Variants in GABRR2 observed in about 807,000 individuals in gnomAD.
GABRR2 encodes the protein gamma-aminobutyric acid type A receptor subunit rho2.
In GABRR2, 36 loss-of-function variants were observed where a neutral mutation model predicts 47.0. The observed-to-expected ratio is 0.77, with a 90% CI of 0.59 to 1.01. GABRR2 has a LOEUF of 1.01. Among genes scored for constraint, GABRR2 ranks in the 50% least tolerant of loss-of-function variants. GABRR2 has a pLI of 0.00. For synonymous variants in GABRR2, 204 were observed against 227.5 expected (o/e 0.90, Z 0.93); for missense variants, 587 against 594.6 (o/e 0.99, Z 0.13).
intron 1 of GABRR2, among the ~76,000 whole-genome samples, chr6:89,305,405 G>T (rs896776767): frequency 1.3e-5 from 2 of 151,610 alleles, no homozygotes; most frequent in African/African-American, 4.8e-5. Context: ...ATCAGCTGGG[G>T]GTGGTGGCTC....
rs750635955 is a variant in GABRR2 at position 89,257,659 on chromosome 6, C to T, written c.*11G>A. On this transcript the variant is annotated 3_prime_UTR_variant, in exon 9 of 9. Coordinates refer to ENST00000402938, the MANE Select transcript of GABRR2 (RefSeq NM_002043.5). ...TGTCTATGCCCTCTTCTAGGAACAG[C>T]CTTGGAGCCCCTAGGAAAACACTGA... 4 of 1,602,610 alleles carry T rather than the reference C, an allele frequency of 2.5e-6. No homozygotes were observed. Among genetic ancestry groups the T allele is most frequent in the Non-Finnish European group, 3.4e-6 (4 of 1,173,468 alleles).
intron 2 of GABRR2, among the ~76,000 whole-genome samples, chr6:89,284,704 C>T (rs1229640077): frequency 1.3e-5 from 2 of 152,226 alleles, no homozygotes; most frequent in Non-Finnish European, 2.9e-5. Context: ...GCCCTGCTGA[C>T]GCCTTGCTTC....
chr6:89,269,327 A>C, intron 3 of GABRR2, 93 bp from the exon 4 acceptor site: 10 of 925,438 alleles, frequency 1.1e-5, no homozygotes, highest in Non-Finnish European at 1.6e-5. Flanking sequence ...TGAACATCTC[A>C]GGCTCAGCAT....
intron 2 of GABRR2, among the ~76,000 whole-genome samples, chr6:89,271,971 A>G (rs1774063204): frequency 6.6e-6 from 1 of 152,182 alleles, no homozygotes; most frequent in South Asian, 2.1e-4. Context: ...TGCTTATTGG[A>G]TGAATCAATG....
Position 89,314,020 on chromosome 6 carries a change from G to GTT in GABRR2, c.113+1031_113+1032dup, listed in dbSNP as rs35891444. On this transcript the variant is annotated intron_variant, in intron 1 of 8. Coordinates refer to ENST00000402938, the MANE Select transcript of GABRR2 (RefSeq NM_002043.5). ...GCTGTAACTCTTATTTATATTCAGG[G>GTT]TTTTTTTTTTTTTTTTCTAAAAATA... Among the ~76,000 whole-genome samples the GTT allele has an allele frequency of 4.2e-3, 590 of 141,240 alleles. 2 individuals are homozygous for GTT. Among genetic ancestry groups the GTT allele is most frequent in the East Asian group, 9.4e-3 (46 of 4,916 alleles). 92.7% of individuals were successfully genotyped at this position (141,240 alleles called of 152,430 possible). A position where few individuals can be genotyped will look rare whatever the true frequency, so the allele number is the denominator to read the frequency against.
intron 8 of GABRR2, among the ~76,000 whole-genome samples, chr6:89,262,403 T>C (rs756450207): frequency 6.6e-6 from 1 of 152,226 alleles, no homozygotes; most frequent in Non-Finnish European, 1.5e-5. Flanking sequence ...TTTAGCCATA[T>C]TCAGCATGAA....
intron 1 of GABRR2, among the ~76,000 whole-genome samples, chr6:89,306,896 C>T (rs745928589): frequency 1.3e-5 from 2 of 150,870 alleles, no homozygotes; most frequent in African/African-American, 2.4e-5. Context: ...CCAGGCTAAT[C>T]CACAGTACGT....
chr6:89,271,146 A>T (rs1275812570), intron 3 of GABRR2, among the ~76,000 whole-genome samples: 1 of 151,824 alleles, frequency 6.6e-6, no homozygotes, highest in African/African-American at 2.4e-5. Flanking sequence ...GGAAGAGAGG[A>T]GGCTGGGGCC....
At chr6:89,262,943 A>C (rs1773782990) in intron 8 of GABRR2, among the ~76,000 whole-genome samples, 1 of 152,236 alleles carries the variant, frequency 6.6e-6, no homozygotes, top group Non-Finnish European at 1.5e-5. Flanking sequence ...CTAACACTAA[A>C]ATGAATAAGA....
chr6:89,310,485 G>C (rs1198079575), intron 1 of GABRR2, among the ~76,000 whole-genome samples: 1 of 152,082 alleles, frequency 6.6e-6, no homozygotes, highest in East Asian at 1.9e-4. Context: ...CCAGGACCTT[G>C]TCCCAGCCAT....
At chr6:89,261,417 C>T (rs1016994003) in intron 8 of GABRR2, among the ~76,000 whole-genome samples, 2 of 152,280 alleles carry the variant, frequency 1.3e-5, no homozygotes, top group South Asian at 4.2e-4. Context: ...ACTGACCCCC[C>T]TCTTGGTCAA....
intron 8 of GABRR2, 120 bp downstream of exon 8, chr6:89,264,292 C>A (rs570198710): frequency 5.1e-6 from 6 of 1,184,650 alleles, no homozygotes; most frequent in Non-Finnish European, 7.0e-6. Flanking sequence ...AGATCCTCCT[C>A]GTTTTGCACA....
chr6:89,302,878 C>G, intron 1 of GABRR2: 1 of 1,244,642 alleles, frequency 8.0e-7, no homozygotes, highest in Non-Finnish European at 1.1e-6. Context: ...AGCAACAGCA[C>G]GGGCATCCAG....
At chr6:89,314,165 C>T (rs2127853538) in intron 1 of GABRR2, among the ~76,000 whole-genome samples, 1 of 152,034 alleles carries the variant, frequency 6.6e-6, no homozygotes, top group Middle Eastern at 3.4e-3. Context: ...AGCGCATGTT[C>T]AAAAATGTTT....
chr6:89,287,127 G>A (rs976579915), intron 2 of GABRR2, among the ~76,000 whole-genome samples: 2 of 152,136 alleles, frequency 1.3e-5, no homozygotes, highest in Non-Finnish European at 2.9e-5. Flanking sequence ...CCAGAGGCGC[G>A]GCAACCGGGG....
rs778052030 is a variant in GABRR2, at chr6:89,254,707, G to A, written c.*2963C>T. Among the ~76,000 whole-genome samples, 9 of 152,026 alleles carry A rather than the reference G, an allele frequency of 5.9e-5. No individual in the cohort carries two copies. Among genetic ancestry groups the A allele is most frequent in the Non-Finnish European group, 1.0e-4 (7 of 68,012 alleles). On this transcript the variant is annotated 3_prime_UTR_variant, in exon 9 of 9. Transcript: ENST00000402938. ...TGCTTCTCTGTCTTCCTGCCTCCAG[G>A]GTGAATCATCCCATGTTCTCACTAT...
chr6:89,294,181 G>A (rs928400843), intron 2 of GABRR2, among the ~76,000 whole-genome samples: 6 of 152,096 alleles, frequency 3.9e-5, no homozygotes, highest in Admixed American at 2.6e-4. Flanking sequence ...AGTCTCACTC[G>A]TCGCCCAGGC....
chr6:89,262,829 T>C (rs995236417), intron 8 of GABRR2, among the ~76,000 whole-genome samples: 16 of 152,230 alleles, frequency 1.1e-4, no homozygotes, highest in African/African-American at 3.9e-4. Flanking sequence ...CCATTTTGAT[T>C]AGTGCAATGA....
intron 2 of GABRR2, among the ~76,000 whole-genome samples, chr6:89,274,588 T>A (rs1423393321): frequency 6.6e-6 from 1 of 152,082 alleles, no homozygotes; most frequent in Non-Finnish European, 1.5e-5. Context: ...GGGGCTGGGC[T>A]GGGTGAAGTG....
Sources: gnomAD v4.1 joint callset for allele counts (sites outside exome capture counted in the v4.1 genomes callset) on GRCh38, gnomAD v4.1.1 for gene constraint, MANE v1.5 for transcripts, NCBI Gene and HGNC (gene_info 2026-07-23, HGNC 2026-07-21) for gene names.